Variants in DGKD observed in about 807,000 individuals in gnomAD.
DGKD encodes DAG kinase delta.
A neutral mutation model predicts 154.4 loss-of-function variants in DGKD; 68 were observed. The ratio of observed to expected loss-of-function variants is 0.44; its 90% CI spans 0.36 to 0.54. The LOEUF is 0.54. DGKD is among the 20% of genes least tolerant of loss of function. The pLI, the probability that DGKD is intolerant of heterozygous loss-of-function variation, is 0.00. For missense variants in DGKD, 1,343 were observed against 1,593.6 expected, an observed-to-expected ratio of 0.84 and a Z score of 2.68; for synonymous variants, 693 against 638.0, an observed-to-expected ratio of 1.09 and a Z score of -1.30.
intron 1 of DGKD, among the ~76,000 whole-genome samples, chr2:233,375,273 A>G (rs1429358359): frequency 6.6e-6 from 1 of 152,176 alleles, no homozygotes; most frequent in African/African-American, 2.4e-5. Context: ...CCTGGGCGAC[A>G]GAATGAGACT....
chr2:233,358,225 G>A (rs1362981382), intron 1 of DGKD, among the ~76,000 whole-genome samples: 1 of 152,164 alleles, frequency 6.6e-6, no homozygotes, highest in Non-Finnish European at 1.5e-5. Flanking sequence ...CACATTATAA[G>A]GTATTTTGAA....
At chr2:233,360,538 A>C (rs752392380) in intron 1 of DGKD, among the ~76,000 whole-genome samples, 3 of 151,706 alleles carry the variant, frequency 2.0e-5, no homozygotes, top group Admixed American at 1.3e-4. Flanking sequence ...AATTACAGAC[A>C]TGAGCTACTG....
At position 233,449,971 on chromosome 2, in the gene DGKD, T is replaced by A. The variant is rs1481292167; in HGVS notation, c.1889-11T>A. Reference sequence around the variant, plus strand: ...CCCGCGTGCTCAGCCGCACACACTCTCCTTGCACAGCTGTCGATGAGCAGA... The same window carrying A: ...CCCGCGTGCTCAGCCGCACACACTCACCTTGCACAGCTGTCGATGAGCAGA... On this transcript the variant is annotated splice_polypyrimidine_tract_variant and intron_variant, in intron 15 of 29. Transcript: ENST00000264057. This position sits in a 1 kb window ranked among gnomAD's most constrained non-coding sequence, Gnocchi z 5.3. 1 of 1,586,996 alleles carries A rather than the reference T, an allele frequency of 6.3e-7. No homozygotes were observed. Among genetic ancestry groups the A allele is most frequent in the South Asian group, 1.1e-5 (1 of 87,200 alleles).
intron 3 of DGKD, among the ~76,000 whole-genome samples, chr2:233,411,357 G>T (rs2125515258): frequency 6.6e-6 from 1 of 152,292 alleles, no homozygotes; most frequent in Non-Finnish European, 1.5e-5. Flanking sequence ...AACACTTGGT[G>T]TGATCAGTCT....
At chr2:233,435,100 C>T (rs2062645370) in intron 5 of DGKD, among the ~76,000 whole-genome samples, 199 bp downstream of exon 5, 1 of 152,148 alleles carries the variant, frequency 6.6e-6, no homozygotes, top group Admixed American at 6.5e-5. Flanking sequence ...TTTTATAGTG[C>T]TCAGAGTGAA....
chr2:233,468,593 T>C, intron 29 of DGKD, 40 bp downstream of exon 29: 1 of 1,610,662 alleles, frequency 6.2e-7, no homozygotes, highest in Non-Finnish European at 8.5e-7. Context: ...GCACTTGGGC[T>C]TGCACGCAGC....
At chr2:233,380,681 G>A (rs186999019) in intron 1 of DGKD, among the ~76,000 whole-genome samples, 1 of 151,924 alleles carries the variant, frequency 6.6e-6, no homozygotes, top group South Asian at 2.1e-4. Context: ...TGTGTGTGTG[G>A]GGGGGTGTTA....
At chr2:233,367,861 T>TTC (rs1212154505) in intron 1 of DGKD, among the ~76,000 whole-genome samples, 389 of 149,376 alleles carry the variant, frequency 2.6e-3, no homozygotes, top group South Asian at 4.3e-3. Flanking sequence ...CTTTTTTTTT[T>TTC]TTTTTTTTTA....
chr2:233,467,166 CAAG>C lies in DGKD; in HGVS notation c.3390_3392del (p.Lys1130del). The C allele has an allele frequency of 6.2e-7, 1 of 1,614,190 alleles. No individual in the cohort carries two copies. The highest frequency in any genetic ancestry group is 8.5e-7 in the Non-Finnish European group (1 of 1,180,012). ...CCAAGTTTAAAAAGGAGAAAAACAA[CAAG>C]AACAAAGAAGCTCACAGTAGCCTGG... On this transcript the variant is annotated inframe_deletion, in exon 28 of 30. Transcript: ENST00000264057.
intron 1 of DGKD, among the ~76,000 whole-genome samples, chr2:233,380,899 C>T (rs1378702880): frequency 6.6e-6 from 1 of 152,044 alleles, no homozygotes; most frequent in Non-Finnish European, 1.5e-5. Flanking sequence ...TCGGTGGAGG[C>T]TTTGGCATAG....
rs756448461 is a variant in DGKD at position 233,452,887 on chromosome 2, G to A, written c.2264+827G>A. Among the ~76,000 whole-genome samples the A allele has an allele frequency of 1.3e-5, 2 of 152,126 alleles. No homozygotes were observed. The highest frequency in any genetic ancestry group is 2.9e-5 in the Non-Finnish European group (2 of 68,026). On this transcript the variant is annotated intron_variant, in intron 18 of 29. Coordinates refer to ENST00000264057, the MANE Select transcript of DGKD (RefSeq NM_152879.3). This position sits in a 1 kb window ranked among gnomAD's most constrained non-coding sequence, Gnocchi z 4.0. Reference sequence around the variant, plus strand: ...CGGACAGTGACAGGAAGAAATGTGCGGTTCACAGAGGCTCTGGGTTTGGGA... The same window carrying A: ...CGGACAGTGACAGGAAGAAATGTGCAGTTCACAGAGGCTCTGGGTTTGGGA...
rs985165190 is a variant in DGKD, at chr2:233,357,899, T to C, written c.156+3225T>C. ...TGCTGCTGGTCCATGGACCAGACTT[T>C]GAAAAACAAGACCTTATGGCACACA... On this transcript the variant is annotated intron_variant, in intron 1 of 29. Coordinates refer to ENST00000264057, the MANE Select transcript of DGKD (RefSeq NM_152879.3). Among the ~76,000 whole-genome samples the C allele has an allele frequency of 5.3e-5, 8 of 152,174 alleles. No individual in the cohort carries two copies. In the South Asian group the frequency reaches 6.2e-4, roughly 12 times the overall value.
At chr2:233,461,015 C>CT (rs1374760807) in intron 24 of DGKD, among the ~76,000 whole-genome samples, 5 of 143,986 alleles carry the variant, frequency 3.5e-5, no homozygotes, top group South Asian at 2.2e-4. Context: ...CTCAAGTTTA[C>CT]TTTAAAAAAA....
chr2:233,355,008 G>C (rs1701475379), intron 1 of DGKD, among the ~76,000 whole-genome samples: 1 of 151,538 alleles, frequency 6.6e-6, no homozygotes, highest in Admixed American at 6.6e-5. Flanking sequence ...AGGGGACTGC[G>C]CTCGTGCCAC....
chr2:233,374,331 G>A (rs926798314), intron 1 of DGKD, among the ~76,000 whole-genome samples: 3 of 151,804 alleles, frequency 2.0e-5, no homozygotes, highest in African/African-American at 4.8e-5. Flanking sequence ...GATTACAGGC[G>A]TGAGCCACTG....
chr2:233,363,422 T>G lies in DGKD; in HGVS notation c.156+8748T>G, dbSNP rs1701877601. ...TTTGTACAAGTGTACAGTGTGTGTT[T>G]CAAGCTAAATGTTACTACAAAAGAG... On this transcript the variant is annotated intron_variant, in intron 1 of 29. Coordinates refer to ENST00000264057, the MANE Select transcript of DGKD (RefSeq NM_152879.3). 2.0e-5 allele frequency among the ~76,000 whole-genome samples: 3 copies of G among 152,204 alleles called. 1 individual carries two copies. In the East Asian group the frequency reaches 5.8e-4, roughly 29 times the overall value.
rs146710506 is a variant in DGKD, at chr2:233,362,614, A to T, written c.156+7940A>T. ...TGCAGTGAGCTGAGACCACACCATT[A>T]CACTACAGCCTGGGCGACAAGAGCG... On this transcript the variant is annotated intron_variant, in intron 1 of 29. Coordinates refer to ENST00000264057, the MANE Select transcript of DGKD (RefSeq NM_152879.3). Among the ~76,000 whole-genome samples the T allele has an allele frequency of 3.0e-3, 452 of 152,334 alleles. 6 individuals are homozygous for T. Among genetic ancestry groups the T allele is most frequent in the Middle Eastern group, 6.8e-3 (2 of 294 alleles).
rs2063577286 is a variant in DGKD at position 233,460,074 on chromosome 2, A to G, written c.2830-120A>G. ...CCATCTCCTTCCCCTAATGTTAAAA[A>G]AAAAAAAAAGTCCTATTTGTCTCTT... On this transcript the variant is annotated intron_variant, in intron 23 of 29. Transcript: ENST00000264057. 4.0e-6 allele frequency: 6 copies of G among 1,491,130 alleles called. No homozygotes were observed. The South Asian group carries it at 8.4e-5, about 21-fold the overall frequency. The allele number at this position is 1,491,130 out of a possible 1,614,324, so 92.4% of individuals were successfully genotyped here. A position where few individuals can be genotyped will look rare whatever the true frequency, so the allele number is the denominator to read the frequency against.
In DGKD at chr2:233,445,774, T is replaced by C; in HGVS notation, c.1334+12T>C. The C allele has an allele frequency of 1.9e-6, 3 of 1,605,214 alleles. No homozygotes were observed. Among genetic ancestry groups the C allele is most frequent in the Non-Finnish European group, 2.6e-6 (3 of 1,175,088 alleles). ...AAGATGCTGGACAGGTGAGTGGGGA[T>C]GTGCTCCGGTGCCGTATGAGGAGAC... On this transcript the variant is annotated intron_variant, in intron 11 of 29. Coordinates refer to ENST00000264057, the MANE Select transcript of DGKD (RefSeq NM_152879.3). The surrounding 1 kb of genome is among the most constrained non-coding windows in gnomAD (Gnocchi z 5.5).
Sources: gnomAD v4.1 joint callset for allele counts (sites outside exome capture counted in the v4.1 genomes callset) on GRCh38, gnomAD v4.1.1 for gene constraint, Gnocchi (gnomAD v3.1) non-coding constraint, MANE v1.5 for transcripts, NCBI Gene and HGNC (gene_info 2026-07-23, HGNC 2026-07-21) for gene names.